The following CDH12 variants were observed in gnomAD, a reference collection of about 807,000 sequenced individuals.
The protein encoded by CDH12 is cadherin-12.
CDH12 carries 41 observed loss-of-function variants against 74.1 expected under a neutral mutation model. The observed-to-expected ratio is 0.55, with a 90% CI of 0.43 to 0.72. The LOEUF is 0.72. Among genes scored for constraint, CDH12 ranks in the 30% least tolerant of loss-of-function variants. The pLI is 0.00. For missense variants in CDH12, 945 were observed against 977.2 expected, an observed-to-expected ratio of 0.97 and a Z score of 0.44; for synonymous variants, 399 against 355.0, an observed-to-expected ratio of 1.12 and a Z score of -1.39.
At chr5:22,298,971 G>A (rs1047538662) in intron 3 of CDH12, among the ~76,000 whole-genome samples, 7 of 152,070 alleles carry the variant, frequency 4.6e-5, no homozygotes, top group Non-Finnish European at 1.0e-4. Context: ...AAAATATTAT[G>A]TTCTACTATA....
At chr5:21,880,501 T>TCCTTCCTTCCTTCCTC (rs1468584598) in intron 6 of CDH12, among the ~76,000 whole-genome samples, 795 of 25,452 alleles carry the variant, frequency 0.031, 79 homozygotes, top group African/African-American at 0.055. Flanking sequence ...CTTCCTTCCT[T>TCCTTCCTTCCTTCCTC]CCTCCCTCCC....
In CDH12 at chr5:21,842,327, A is replaced by G. The variant is rs17839323; in HGVS notation, c.648T>C (p.Gly216=). 91,897 of 1,591,318 alleles carry G rather than the reference A, an allele frequency of 0.058. 3,271 individuals carry two copies. Among genetic ancestry groups the G allele is most frequent in the Admixed American group, 0.13 (7,559 of 56,094 alleles). Reference sequence around the variant, plus strand: ...TGTTTGGCAAAGCTGTTCTAATAACACCTTAAGGGATAAAAGCAATAATGT... The same window carrying G: ...TGTTTGGCAAAGCTGTTCTAATAACGCCTTAAGGGATAAAAGCAATAATGT... ...QPYFSIDPKT[G]VIRTALPNMD... is the part of the protein sequence containing the mutation. The change falls in exon 8 of 15, where the codon GGT becomes GGC. Residue 216 remains glycine, a splice_region_variant and synonymous_variant. Coordinates refer to ENST00000382254, the MANE Select transcript of CDH12 (RefSeq NM_004061.5).
chr5:22,628,766 A>C (rs1446822955), intron 1 of CDH12, among the ~76,000 whole-genome samples: 1 of 152,090 alleles, frequency 6.6e-6, no homozygotes, highest in Non-Finnish European at 1.5e-5. Flanking sequence ...AACTGAAGGA[A>C]ATTGAGATGT....
Position 22,157,888 on chromosome 5 carries a change from T to C in CDH12, c.-187+54610A>G, listed in dbSNP as rs547772082. On this transcript the variant is annotated intron_variant, in intron 4 of 14. Transcript: ENST00000382254. ...ATCTAAATAAATATTTGGCATGAAG[T>C]CTAAATCCACTTTATTCCAATATGT... Among the ~76,000 whole-genome samples the C allele has an allele frequency of 2.6e-5, 4 of 152,202 alleles. No homozygotes were observed. The East Asian group carries it at 7.7e-4, about 29-fold the overall frequency.
intron 1 of CDH12, among the ~76,000 whole-genome samples, chr5:22,595,212 C>T (rs1580800607): frequency 6.6e-6 from 1 of 152,108 alleles, no homozygotes; most frequent in Non-Finnish European, 1.5e-5. Context: ...GCTGGAAATT[C>T]ATCTTTATGA....
intron 6 of CDH12, among the ~76,000 whole-genome samples, chr5:21,871,962 A>G (rs1751647415): frequency 6.6e-6 from 1 of 152,186 alleles, no homozygotes; most frequent in African/African-American, 2.4e-5. Context: ...TAATAATGAT[A>G]TTGGATCACT....
chr5:22,693,312 G>A (rs1742180801), intron 1 of CDH12, among the ~76,000 whole-genome samples: 1 of 152,162 alleles, frequency 6.6e-6, no homozygotes, highest in Non-Finnish European at 1.5e-5. Context: ...GTGCGGGGTA[G>A]ACAGCATTGA....
intron 3 of CDH12, among the ~76,000 whole-genome samples, chr5:22,379,962 T>A (rs1223602442): frequency 6.6e-6 from 1 of 152,134 alleles, no homozygotes; most frequent in African/African-American, 2.4e-5. Context: ...TCTCTCTATT[T>A]TACCTAGGCT....
intron 4 of CDH12, among the ~76,000 whole-genome samples, chr5:22,125,001 C>T (rs114369643): frequency 1.9e-3 from 286 of 152,302 alleles, no homozygotes; most frequent in African/African-American, 6.6e-3. Flanking sequence ...CAGAGGATGT[C>T]TGTTCCTGTG....
chr5:22,063,988 T>TACACACAC (rs10552100), intron 5 of CDH12, among the ~76,000 whole-genome samples: 89 of 146,864 alleles, frequency 6.1e-4, no homozygotes, highest in African/African-American at 2.0e-3. Flanking sequence ...ATTATGGAGA[T>TACACACAC]ACACACACAC....
At chr5:22,426,761 C>A (rs1743956748) in intron 2 of CDH12, among the ~76,000 whole-genome samples, 1 of 152,128 alleles carries the variant, frequency 6.6e-6, no homozygotes, top group African/African-American at 2.4e-5. Context: ...TTAGTTATAT[C>A]ACCACAGTCA....
At chr5:22,793,538 T>C (rs80272486) in intron 1 of CDH12, among the ~76,000 whole-genome samples, 6,083 of 152,274 alleles carry the variant, frequency 0.04, 395 homozygotes, top group African/African-American at 0.14. Flanking sequence ...ATCCATACAT[T>C]TTATCATAAA....
At chr5:21,779,209 T>C (rs934233445) in intron 11 of CDH12, 1 of 152,112 alleles carries the variant, frequency 6.6e-6, no homozygotes, top group Non-Finnish European at 1.5e-5. Flanking sequence ...TATTTATTTA[T>C]TCACTTTCTT....
intron 1 of CDH12, among the ~76,000 whole-genome samples, chr5:22,617,732 T>C (rs1451295001): frequency 6.6e-6 from 1 of 152,104 alleles, no homozygotes; most frequent in Non-Finnish European, 1.5e-5. Flanking sequence ...ACATAGAAAC[T>C]AACTTGTTTT....
chr5:22,396,103 A>G (rs142163347), intron 3 of CDH12, among the ~76,000 whole-genome samples: 108 of 152,242 alleles, frequency 7.1e-4, no homozygotes, highest in African/African-American at 2.4e-3. Context: ...AGATTTTTTA[A>G]GCTGGGATTT....
intron 3 of CDH12, among the ~76,000 whole-genome samples, chr5:22,358,348 C>T (rs1740652095): frequency 6.6e-6 from 1 of 151,886 alleles, no homozygotes; most frequent in Admixed American, 6.6e-5. Flanking sequence ...GCGGAGGTTG[C>T]AGTGAGTGAA....
intron 5 of CDH12, among the ~76,000 whole-genome samples, chr5:22,029,826 C>T (rs1406507425): frequency 2.0e-4 from 28 of 143,206 alleles, no homozygotes; most frequent in African/African-American, 5.5e-4. Context: ...ATGTTTATTG[C>T]GGCACTATTC....
intron 10 of CDH12, among the ~76,000 whole-genome samples, chr5:21,794,751 T>C (rs539477443): frequency 2.1e-4 from 32 of 151,882 alleles, no homozygotes; most frequent in Admixed American, 2.0e-3. Context: ...AAGCTAGCAG[T>C]TGCCTTCACT....
chr5:22,142,053 T>C (rs1746831946), intron 4 of CDH12, among the ~76,000 whole-genome samples: 1 of 152,118 alleles, frequency 6.6e-6, no homozygotes, highest in African/African-American at 2.4e-5. Context: ...AGGATGGTGT[T>C]GCTATAAACT....
Sources: allele counts gnomAD v4.1 joint callset (sites outside exome capture counted in the v4.1 genomes callset), GRCh38; gene constraint gnomAD v4.1.1; transcripts MANE v1.5; gene names NCBI Gene and HGNC (gene_info 2026-07-23, HGNC 2026-07-21).